The following NSG2 variants were observed in gnomAD, a reference collection of about 807,000 sequenced individuals.
NSG2 encodes neuronal vesicle trafficking associated 2.
NSG2 carries 4 observed loss-of-function variants against 16.9 expected under a neutral mutation model. That is an observed-to-expected ratio of 0.24 (90% CI 0.12 to 0.54). NSG2 has a LOEUF of 0.54. Ranked by LOEUF, NSG2 falls within the 20% of genes least tolerant of loss-of-function variation. The pLI is 0.95. For missense variants in NSG2, 179 were observed against 221.1 expected, an observed-to-expected ratio of 0.81 and a Z score of 1.21; for synonymous variants, 98 against 88.7, an observed-to-expected ratio of 1.11 and a Z score of -0.59.
At chr5:174,106,405 C>A (rs978699951) in intron 4 of NSG2, among the ~76,000 whole-genome samples, 3 of 151,976 alleles carry the variant, frequency 2.0e-5, no homozygotes, top group African/African-American at 4.8e-5. Flanking sequence ...TCGCCTCACA[C>A]CTTTGGTGGA....
intron 2 of NSG2, among the ~76,000 whole-genome samples, chr5:174,047,961 A>T (rs1207399080): frequency 6.6e-6 from 1 of 152,200 alleles, no homozygotes; most frequent in African/African-American, 2.4e-5. Flanking sequence ...GTCTTAACCA[A>T]TTGGCTTCAA....
chr5:174,073,479 G>A (rs1760278317), intron 3 of NSG2, among the ~76,000 whole-genome samples: 1 of 152,210 alleles, frequency 6.6e-6, no homozygotes, highest in African/African-American at 2.4e-5. Flanking sequence ...GTGGAGAAAG[G>A]CTGCCAGAGT....
At chr5:174,100,347 T>C (rs1047808096) in intron 3 of NSG2, among the ~76,000 whole-genome samples, 4 of 152,226 alleles carry the variant, frequency 2.6e-5, no homozygotes, top group Non-Finnish European at 1.5e-5. Context: ...TGGTTTGAGA[T>C]AGGGCTAGAG....
chr5:174,071,223 T>G (rs945305204), intron 3 of NSG2, among the ~76,000 whole-genome samples: 4 of 152,210 alleles, frequency 2.6e-5, no homozygotes, highest in African/African-American at 9.7e-5. Flanking sequence ...AACCAGTGGC[T>G]CATGCCTGTT....
At chr5:174,098,208 C>T (rs74381741) in intron 3 of NSG2, among the ~76,000 whole-genome samples, 2,841 of 152,262 alleles carry the variant, frequency 0.019, 78 homozygotes, top group African/African-American at 0.061. Flanking sequence ...GAAGCAACTG[C>T]AGGAGCTGTC....
At chr5:174,075,090 T>A (rs562598006) in intron 3 of NSG2, among the ~76,000 whole-genome samples, 1 of 152,262 alleles carries the variant, frequency 6.6e-6, no homozygotes, top group East Asian at 1.9e-4. Context: ...TAAAAATAAT[T>A]ATTTGCAGTA....
At chr5:174,055,442 TA>T (rs1281902403) in intron 2 of NSG2, among the ~76,000 whole-genome samples, 2 of 150,870 alleles carry the variant, frequency 1.3e-5, no homozygotes, top group African/African-American at 2.4e-5. Flanking sequence ...AAAAAAAATG[TA>T]AAAAATTAGC....
intron 2 of NSG2, among the ~76,000 whole-genome samples, chr5:174,051,036 C>A (rs998343800): frequency 6.6e-6 from 1 of 152,184 alleles, no homozygotes; most frequent in Admixed American, 6.5e-5. Context: ...ATTCCTTTCA[C>A]TCCCACGTTG....
At chr5:174,094,169 A>G (rs538215313) in intron 3 of NSG2, among the ~76,000 whole-genome samples, 12 of 152,314 alleles carry the variant, frequency 7.9e-5, no homozygotes, top group Non-Finnish European at 1.5e-4. Flanking sequence ...TCCTTCAGGA[A>G]CCATGTGGCC....
chr5:174,084,335 A>C (rs993744714), intron 3 of NSG2, among the ~76,000 whole-genome samples: 3 of 152,332 alleles, frequency 2.0e-5, no homozygotes, highest in African/African-American at 7.2e-5. Flanking sequence ...GAGCGAAACA[A>C]GTTAGGTGGC....
rs55856907 is a variant in NSG2 at position 174,086,892 on chromosome 5, T to C, written c.214-17336T>C. The stretch of plus-strand genomic sequence containing the variant: ...TAACGATTATACCACAGCACATTAA[T>C]TTGGGAAATGAATTACTGCTTTGGA... On this transcript the variant is annotated intron_variant, in intron 3 of 4. Transcript: ENST00000303177. Among the ~76,000 whole-genome samples the C allele has an allele frequency of 6.4e-3, 982 of 152,308 alleles. 14 individuals are homozygous for C. The highest frequency in any genetic ancestry group is 0.022 in the African/African-American group (895 of 41,568).
chr5:174,063,521 C>T (rs1343467742), intron 2 of NSG2, among the ~76,000 whole-genome samples: 3 of 144,856 alleles, frequency 2.1e-5, no homozygotes, highest in African/African-American at 7.5e-5. Flanking sequence ...TCATAACTTT[C>T]TATTTTATTT....
chr5:174,107,526 G>GC lies in NSG2; in HGVS notation c.*21_*22insC. The GC allele has an allele frequency of 1.3e-6, 2 of 1,589,390 alleles. No homozygotes were observed. The highest frequency in any genetic ancestry group is 1.7e-4 in the Middle Eastern group (1 of 5,984). The stretch of plus-strand genomic sequence containing the variant: ...ACTAGAGGCCTGCCCCAGCCAGAAT[G>GC]GGGGGCGGGGTGGAGAGGAGGACCC... On this transcript the variant is annotated 3_prime_UTR_variant, in exon 5 of 5. Transcript: ENST00000303177. The surrounding 1 kb of genome is among the most constrained non-coding windows in gnomAD (Gnocchi z 4.5).
At chr5:174,094,119 C>G (rs558957095) in intron 3 of NSG2, among the ~76,000 whole-genome samples, 20 of 152,342 alleles carry the variant, frequency 1.3e-4, no homozygotes, top group African/African-American at 4.8e-4. Context: ...GGGTTGAGGG[C>G]TTTAGAATGA....
intron 3 of NSG2, among the ~76,000 whole-genome samples, chr5:174,093,172 T>C (rs1446034194): frequency 6.6e-6 from 1 of 152,152 alleles, no homozygotes; most frequent in Non-Finnish European, 1.5e-5. Context: ...TGATACAACA[T>C]TGTACAATGG....
intron 2 of NSG2, among the ~76,000 whole-genome samples, chr5:174,048,799 C>T (rs1759840009): frequency 6.6e-6 from 1 of 152,110 alleles, no homozygotes; most frequent in South Asian, 2.1e-4. Context: ...CCAGGTGCAC[C>T]AGAAGCTGTC....
chr5:174,094,418 A>G (rs902386514), intron 3 of NSG2, among the ~76,000 whole-genome samples: 13 of 152,176 alleles, frequency 8.5e-5, no homozygotes, highest in African/African-American at 2.7e-4. Flanking sequence ...CTTCACAGCA[A>G]TCCTATGGGG....
rs1760993545 is a variant in NSG2, at chr5:174,107,015, T to G, written c.325-299T>G. ...AGGTGAATCAGCCAGATAGAGGGAG[T>G]CTGTGGGGGTCTCTACAGCATCCAC... On this transcript the variant is annotated intron_variant, in intron 4 of 4. Transcript: ENST00000303177. The surrounding 1 kb of genome is among the most constrained non-coding windows in gnomAD (Gnocchi z 4.5). 6.6e-6 allele frequency among the ~76,000 whole-genome samples: 1 copy of G among 151,354 alleles called. No individual in the cohort carries two copies. The highest frequency in any genetic ancestry group is 1.5e-5 in the Non-Finnish European group (1 of 67,820).
At chr5:174,053,139 A>T (rs1425632080) in intron 2 of NSG2, among the ~76,000 whole-genome samples, 2 of 152,208 alleles carry the variant, frequency 1.3e-5, no homozygotes, top group African/African-American at 4.8e-5. Context: ...CTTTAGGCAC[A>T]TTGCTTAGCA....
Sources: allele counts gnomAD v4.1 joint callset (sites outside exome capture counted in the v4.1 genomes callset), GRCh38; gene constraint gnomAD v4.1.1; non-coding constraint Gnocchi (gnomAD v3.1); transcripts MANE v1.5; gene names NCBI Gene and HGNC (gene_info 2026-07-23, HGNC 2026-07-21).